ARSG: variants seen among roughly 807,000 people sequenced by gnomAD.
The protein encoded by ARSG is ASG.
ARSG carries 37 observed loss-of-function variants against 50.5 expected under a neutral mutation model. The observed-to-expected ratio is 0.73, with a 90% CI of 0.56 to 0.96. The LOEUF (loss-of-function observed/expected upper bound fraction) is 0.96. Ranked by LOEUF, ARSG falls within the 50% of genes least tolerant of loss-of-function variation. The pLI is 0.00. For missense variants in ARSG, 629 were observed against 675.3 expected, an observed-to-expected ratio of 0.93 and a Z score of 0.76; for synonymous variants, 225 against 254.6, an observed-to-expected ratio of 0.88 and a Z score of 1.11.
the ARSG span, chr17:68,433,370 G>T: frequency 0.047 from 51,796 of 1,111,966 alleles, 1,433 homozygotes; most frequent in Middle Eastern, 0.098. Context: ...AGCCAAGATT[G>T]GGTGTTCAGA....
At chr17:68,288,429 T>C (rs1437271101), upstream of ARSG, among the ~76,000 whole-genome samples, 1 of 152,184 alleles carries the variant, frequency 6.6e-6, no homozygotes, top group African/African-American at 2.4e-5. Flanking sequence ...ATATAAAAGT[T>C]TATCTGTCCA....
intron 6 of ARSG, among the ~76,000 whole-genome samples, chr17:68,364,869 C>G (rs1040716632): frequency 6.6e-6 from 1 of 152,118 alleles, no homozygotes; most frequent in African/African-American, 2.4e-5. Context: ...AGGTGGCTTG[C>G]GGGACAGATG....
chr17:68,366,785 T>C (rs1025964610), intron 6 of ARSG, among the ~76,000 whole-genome samples: 8 of 152,296 alleles, frequency 5.3e-5, no homozygotes, highest in African/African-American at 1.9e-4. Flanking sequence ...AATGTAAAGT[T>C]CTGTCGCATT....
chr17:68,320,346 A>C (rs1568463288), intron 2 of ARSG, among the ~76,000 whole-genome samples: 1 of 152,074 alleles, frequency 6.6e-6, no homozygotes, highest in East Asian at 1.9e-4. Flanking sequence ...TCATTTCTCT[A>C]GAGCAAAGTC....
chr17:68,393,011 C>T (rs1215577826), intron 9 of ARSG, among the ~76,000 whole-genome samples: 2 of 152,312 alleles, frequency 1.3e-5, no homozygotes, highest in East Asian at 1.9e-4. Flanking sequence ...TAGAACGCCT[C>T]AGTTCTTAGG....
chr17:68,370,973 AG>A (rs1163990549), intron 8 of ARSG, among the ~76,000 whole-genome samples: 1 of 129,738 alleles, frequency 7.7e-6, no homozygotes, highest in Non-Finnish European at 1.8e-5. Flanking sequence ...CATTGTCTCC[AG>A]TTCTTACAAG....
At chr17:68,393,507 A>C (rs1283638520) in intron 9 of ARSG, among the ~76,000 whole-genome samples, 2 of 152,146 alleles carry the variant, frequency 1.3e-5, no homozygotes, top group Non-Finnish European at 2.9e-5. Flanking sequence ...GATGTGGGTA[A>C]TTCGAATATG....
intron 1 of ARSG, among the ~76,000 whole-genome samples, chr17:68,298,481 G>C (rs1273709916): frequency 2.0e-5 from 3 of 151,506 alleles, no homozygotes; most frequent in African/African-American, 7.3e-5. Flanking sequence ...TGTAGTCCCA[G>C]CTACTTGTGA....
chr17:68,343,648 G>T lies in ARSG; in HGVS notation c.263G>T (p.Arg88Leu), dbSNP rs760615747. ...HAAASTCSPS[R>L]ASLLTGRLGL... ...GCTGCCTCCACCTGCTCACCCTCCCGGGCTTCCTTGCTCACCGGCCGGCTT... is the reference window on the plus strand; with the variant it reads ...GCTGCCTCCACCTGCTCACCCTCCCTGGCTTCCTTGCTCACCGGCCGGCTT... Residue 88 changes from arginine (R) to leucine (L), a missense_variant, in exon 3 of 12, where the codon CGG (arginine) becomes CTG (leucine). By Grantham distance (102) the Arg-to-Leu change is moderately radical. Coordinates refer to ENST00000621439, the MANE Select transcript of ARSG (RefSeq NM_001267727.2). 2 of 1,613,770 alleles carry T rather than the reference G, an allele frequency of 1.2e-6. No individual in the cohort carries two copies. Among genetic ancestry groups the T allele is most frequent in the South Asian group, 2.2e-5 (2 of 91,068 alleles).
At position 68,401,384 on chromosome 17, in the gene ARSG, G is replaced by A; in HGVS notation, c.1237G>A (p.Ala413Thr). The change falls in exon 11 of 12, where the codon GCA becomes ACA. Residue 413 changes from alanine (A) to threonine (T), a missense_variant. Coordinates refer to ENST00000621439, the MANE Select transcript of ARSG (RefSeq NM_001267727.2). ...GGTGCTGTTCCACCCCAACAGCGGGGCAGCTGGAGAGTTTGGAGCCCTGCA... is the reference window on the plus strand; with the variant it reads ...GGTGCTGTTCCACCCCAACAGCGGGACAGCTGGAGAGTTTGGAGCCCTGCA... ...HRVLFHPNSG[A>T]AGEFGALQTV... is the part of the protein sequence containing the mutation. 1 of 1,614,034 alleles carries A rather than the reference G, an allele frequency of 6.2e-7. No homozygotes were observed. Among genetic ancestry groups the A allele is most frequent in the Non-Finnish European group, 8.5e-7 (1 of 1,179,910 alleles).
intron 5 of ARSG, 50 bp downstream of exon 5, chr17:68,351,736 C>G (rs2078773775): frequency 8.0e-7 from 1 of 1,248,942 alleles, no homozygotes; most frequent in East Asian, 2.3e-5. Flanking sequence ...AGGCAAAGTT[C>G]CAAGACTGTG....
chr17:68,331,633 A>T (rs546277694), intron 2 of ARSG, among the ~76,000 whole-genome samples: 41 of 152,314 alleles, frequency 2.7e-4, no homozygotes, highest in African/African-American at 9.4e-4. Flanking sequence ...AAGTGCTAGG[A>T]TTACAGGCAT....
chr17:68,394,942 G>T, intron 9 of ARSG, 131 bp from the exon 10 acceptor site: 1 of 1,298,052 alleles, frequency 7.7e-7, no homozygotes. Flanking sequence ...CAAGCAGGTA[G>T]AGAAGTTAAG....
intron 8 of ARSG, among the ~76,000 whole-genome samples, chr17:68,374,269 G>A (rs944914485): frequency 2.0e-5 from 3 of 152,120 alleles, no homozygotes; most frequent in Admixed American, 2.0e-4. Context: ...GACACTCTTG[G>A]GCCAGGCTGT....
the ARSG span, chr17:68,436,561 C>T: frequency 1.5e-6 from 2 of 1,296,726 alleles, no homozygotes; most frequent in East Asian, 2.4e-5. Context: ...GAAAACAGTA[C>T]AGCTACAGTG....
intron 2 of ARSG, among the ~76,000 whole-genome samples, chr17:68,334,564 C>T (rs993182869): frequency 5.3e-5 from 8 of 152,042 alleles, no homozygotes; most frequent in African/African-American, 1.4e-4. Context: ...ATGATCTTTG[C>T]GGTGAGGAAT....
chr17:68,317,607 A>G lies in ARSG; in HGVS notation c.218+9896A>G, dbSNP rs1321195934. Among the ~76,000 whole-genome samples the G allele has an allele frequency of 3.9e-5, 6 of 152,054 alleles. 1 individual carries two copies. In the East Asian group the frequency reaches 5.8e-4, roughly 15 times the overall value. On this transcript the variant is annotated intron_variant, in intron 2 of 11. Coordinates refer to ENST00000621439, the MANE Select transcript of ARSG (RefSeq NM_001267727.2). ...CGCAAGGCCCCAAGTCCCCTCGCAC[A>G]TGTCAGTAGGTTAAGCAGCCAACCT...
At chr17:68,406,377 T>C (rs1293152846) in intron 11 of ARSG, among the ~76,000 whole-genome samples, 4 of 152,236 alleles carry the variant, frequency 2.6e-5, no homozygotes. Context: ...TTTCGTACAA[T>C]GACTTCTTGT....
chr17:68,437,468 T>C, the ARSG span, among the ~76,000 whole-genome samples: 1 of 151,694 alleles, frequency 6.6e-6, no homozygotes, highest in Non-Finnish European at 1.5e-5. Context: ...GGCAGGAGAA[T>C]TGCTTAAACC....
Sources: gnomAD v4.1 joint callset for allele counts (sites outside exome capture counted in the v4.1 genomes callset) on GRCh38, gnomAD v4.1.1 for gene constraint, MANE v1.5 for transcripts, NCBI Gene and HGNC (gene_info 2026-07-23, HGNC 2026-07-21) for gene names.